Variants in ICA1 observed in about 807,000 individuals in gnomAD.
ICA1 encodes 69 kDa islet cell autoantigen.
A neutral mutation model predicts 71.0 loss-of-function variants in ICA1; 40 were observed. That is an observed-to-expected ratio of 0.56 (90% CI 0.44 to 0.73). ICA1 has a LOEUF of 0.73. Among genes scored for constraint, ICA1 ranks in the 30% least tolerant of loss-of-function variants. The pLI, the probability that ICA1 is intolerant of heterozygous loss-of-function variation, is 0.00. For missense variants in ICA1, 578 were observed against 576.5 expected (o/e 1.00, Z -0.03); for synonymous variants, 207 against 209.5 (o/e 0.99, Z 0.10).
At chr7:8,171,815 A>G (rs1300060295) in intron 6 of ICA1, among the ~76,000 whole-genome samples, 1 of 151,874 alleles carries the variant, frequency 6.6e-6, no homozygotes, top group Non-Finnish European at 1.5e-5. Context: ...TCTGATTTCA[A>G]TTATTTCAAA....
At chr7:8,128,204 G>A in intron 12 of ICA1, 62 bp from the exon 13 acceptor site, 4 of 1,534,116 alleles carry the variant, frequency 2.6e-6, no homozygotes, top group African/African-American at 2.8e-5. Context: ...AGGAATCAAT[G>A]CTGTGGGGGC....
chr7:8,135,751 C>G (rs1793194688), intron 12 of ICA1, among the ~76,000 whole-genome samples: 1 of 152,172 alleles, frequency 6.6e-6, no homozygotes, highest in Non-Finnish European at 1.5e-5. Flanking sequence ...AGGAGATAAA[C>G]ATTTTATTTA....
At chr7:8,143,034 T>A (rs1428797908) in intron 9 of ICA1, among the ~76,000 whole-genome samples, 2 of 152,242 alleles carry the variant, frequency 1.3e-5, no homozygotes, top group Non-Finnish European at 2.9e-5. Flanking sequence ...TATAAGCCTG[T>A]TTTACGATAA....
intron 1 of ICA1, among the ~76,000 whole-genome samples, chr7:8,248,922 A>G (rs1167753905): frequency 6.6e-6 from 1 of 152,194 alleles, no homozygotes; most frequent in African/African-American, 2.4e-5. Flanking sequence ...TAGAGTCACT[A>G]CCTTGTCAAC....
At chr7:8,162,084 G>A (rs1226133904) in intron 6 of ICA1, among the ~76,000 whole-genome samples, 1 of 152,174 alleles carries the variant, frequency 6.6e-6, no homozygotes, top group Non-Finnish European at 1.5e-5. Flanking sequence ...AACTTTTTCT[G>A]CAGGGGTGTC....
intron 8 of ICA1, among the ~76,000 whole-genome samples, chr7:8,153,038 C>T (rs918687718): frequency 5.9e-5 from 9 of 152,070 alleles, no homozygotes; most frequent in African/African-American, 1.7e-4. Context: ...TTGTCACCAC[C>T]GCTGCCATCA....
intron 6 of ICA1, among the ~76,000 whole-genome samples, chr7:8,209,935 G>A (rs767744018): frequency 1.3e-5 from 2 of 152,208 alleles, no homozygotes; most frequent in Non-Finnish European, 2.9e-5. Flanking sequence ...CAGCAGGGAA[G>A]AGAGGCGGGA....
intron 8 of ICA1, among the ~76,000 whole-genome samples, chr7:8,155,230 A>G (rs1801072100): frequency 6.6e-6 from 1 of 152,232 alleles, no homozygotes; most frequent in Non-Finnish European, 1.5e-5. Context: ...ACCATGAACT[A>G]TTACTTAAAC....
intron 6 of ICA1, among the ~76,000 whole-genome samples, chr7:8,165,256 C>A (rs1269291499): frequency 6.6e-6 from 1 of 152,192 alleles, no homozygotes; most frequent in Non-Finnish European, 1.5e-5. Flanking sequence ...TATGTTACTT[C>A]ATTTATCATA....
intron 6 of ICA1, among the ~76,000 whole-genome samples, chr7:8,196,438 A>T (rs1162961722): frequency 6.6e-6 from 1 of 152,224 alleles, no homozygotes; most frequent in African/African-American, 2.4e-5. Flanking sequence ...GGTACATGTC[A>T]CTATACATTT....
intron 12 of ICA1, among the ~76,000 whole-genome samples, chr7:8,138,229 G>C (rs540300481): frequency 1.3e-5 from 2 of 152,246 alleles, no homozygotes; most frequent in East Asian, 3.9e-4. Context: ...TTTTAGGTTT[G>C]GTAAATTCAG....
intron 10 of ICA1, among the ~76,000 whole-genome samples, chr7:8,140,027 G>A (rs1562614762): frequency 6.6e-6 from 1 of 152,138 alleles, no homozygotes. Flanking sequence ...AATACCACAA[G>A]CAATTATACT....
At chr7:8,133,519 G>A (rs1792256733) in intron 12 of ICA1, among the ~76,000 whole-genome samples, 2 of 152,210 alleles carry the variant, frequency 1.3e-5, no homozygotes, top group Non-Finnish European at 2.9e-5. Context: ...AAAGTGCTAG[G>A]ATTACAGGCA....
chr7:8,212,929 A>T (rs1042748457), intron 6 of ICA1, among the ~76,000 whole-genome samples: 2 of 152,178 alleles, frequency 1.3e-5, no homozygotes, highest in Non-Finnish European at 2.9e-5. Context: ...ATCTCATCCA[A>T]TTCAGAACTG....
At chr7:8,121,282 A>T (rs1271103167) in intron 13 of ICA1, among the ~76,000 whole-genome samples, 1 of 152,130 alleles carries the variant, frequency 6.6e-6, no homozygotes, top group Non-Finnish European at 1.5e-5. Flanking sequence ...CCTGCCATCC[A>T]GCCAGCCAGC....
At chr7:8,125,804 G>C (rs756513843) in intron 13 of ICA1, among the ~76,000 whole-genome samples, 2 of 152,202 alleles carry the variant, frequency 1.3e-5, no homozygotes, top group Non-Finnish European at 2.9e-5. Context: ...ATGAGATGTT[G>C]TTGGCCTGAG....
chr7:8,144,898 G>T lies in ICA1; in HGVS notation c.805-926C>A, dbSNP rs114042843. On this transcript the variant is annotated intron_variant, in intron 8 of 13. Coordinates refer to ENST00000402384, the MANE Select transcript of ICA1 (RefSeq NM_001136020.3). The surrounding 1 kb of genome is among the most constrained non-coding windows in gnomAD (Gnocchi z 4.5). ...TTCTCCTGTCCTTCTCCTGCCTATC[G>T]TTCACTTGTCTGACACACATAGGAG... Among the ~76,000 whole-genome samples, 1 of 152,020 alleles carries T rather than the reference G, an allele frequency of 6.6e-6. No homozygotes were observed. The highest frequency in any genetic ancestry group is 2.4e-5 in the African/African-American group (1 of 41,400).
At chr7:8,225,292 C>T (rs1200501096) in intron 4 of ICA1, among the ~76,000 whole-genome samples, 1 of 152,172 alleles carries the variant, frequency 6.6e-6, no homozygotes, top group Non-Finnish European at 1.5e-5. Context: ...TTATCTCTCT[C>T]TCTTCATATA....
intron 6 of ICA1, among the ~76,000 whole-genome samples, chr7:8,159,409 C>T (rs1486380298): frequency 2.6e-5 from 4 of 152,152 alleles, no homozygotes; most frequent in Non-Finnish European, 5.9e-5. Context: ...GATACGGCTG[C>T]ATTGAAAATT....
Sources: allele counts gnomAD v4.1 joint callset (sites outside exome capture counted in the v4.1 genomes callset), GRCh38; gene constraint gnomAD v4.1.1; non-coding constraint Gnocchi (gnomAD v3.1); transcripts MANE v1.5; gene names NCBI Gene and HGNC (gene_info 2026-07-23, HGNC 2026-07-21).